The following ZNF530 variants were observed in gnomAD, a reference collection of about 807,000 sequenced individuals.
ZNF530 encodes the protein zinc finger protein 530.
In ZNF530, 5 loss-of-function variants were observed where a neutral mutation model predicts 2.8. The observed-to-expected ratio is 1.80, with a 90% CI of 0.94 to 3.78. The LOEUF (loss-of-function observed/expected upper bound fraction) is 3.78, where lower values mean the gene tolerates loss of function less well. Ranked by LOEUF, ZNF530 falls within the 30% of genes most tolerant of loss-of-function variation. The pLI, the probability that ZNF530 is intolerant of heterozygous loss-of-function variation, is 0.00. For missense variants in ZNF530, 619 were observed against 673.3 expected (o/e 0.92, Z 0.89); for synonymous variants, 229 against 235.0 (o/e 0.97, Z 0.23).
intron 2 of ZNF530, among the ~76,000 whole-genome samples, chr19:57,603,746 A>G (rs142286923): frequency 1.1e-4 from 16 of 152,360 alleles, no homozygotes; most frequent in African/African-American, 3.8e-4. Flanking sequence ...CTGTGGCAGT[A>G]GGGACCATCA....
chr19:57,607,154 A>C lies in ZNF530; in HGVS notation c.1530A>C (p.Gly510=). Residue 510 remains glycine, a synonymous_variant, in exon 4 of 4, where the codon GGA becomes GGC. Coordinates refer to ENST00000597700, the MANE Select transcript of ZNF530 (RefSeq NM_001321981.2). ...TTCAGCATAGGAGAGTTCACACTGG[A>C]GAAAGGCCTTATGAGTGCAGAGAAT... ...ALLQHRRVHT[G]ERPYECRECG... The C allele has an allele frequency of 6.2e-7, 1 of 1,614,060 alleles. No homozygotes were observed.
chr19:57,607,373 T>C lies in ZNF530; in HGVS notation c.*48T>C. 1 of 1,526,738 alleles carries C rather than the reference T, an allele frequency of 6.5e-7. No individual in the cohort carries two copies. Among genetic ancestry groups the C allele is most frequent in the South Asian group, 1.3e-5 (1 of 78,790 alleles). 94.6% of individuals were successfully genotyped at this position (1,526,738 alleles called of 1,614,324 possible). ...TTTTTTTTTTTTTTTTGAGATGGAA[T>C]TTTGCTCGTCACCCAGGCTGGAGTG... On this transcript the variant is annotated 3_prime_UTR_variant, in exon 4 of 4. Transcript: ENST00000597700.
At position 57,600,033 on chromosome 19, in the gene ZNF530, C is replaced by G; in HGVS notation, c.-223C>G. 1.4e-6 allele frequency: 2 copies of G among 1,451,286 alleles called. No individual in the cohort carries two copies. Among genetic ancestry groups the G allele is most frequent in the Non-Finnish European group, 1.8e-6 (2 of 1,081,190 alleles). The allele number at this position is 1,451,286 out of a possible 1,614,324, so 89.9% of individuals were successfully genotyped here. On this transcript the variant is annotated 5_prime_UTR_variant, in exon 1 of 4. Transcript: ENST00000597700. Reference sequence around the variant, plus strand: ...ACAGCCGGGGCCTGACGGTCGCCGGCGGTGGTGACAGCTTTGCTCTTGTCT... The same window carrying G: ...ACAGCCGGGGCCTGACGGTCGCCGGGGGTGGTGACAGCTTTGCTCTTGTCT...
In ZNF530 at chr19:57,606,196, C is replaced by T; in HGVS notation, c.572C>T (p.Ser191Phe). 2 of 1,614,224 alleles carry T rather than the reference C, an allele frequency of 1.2e-6. No individual in the cohort carries two copies. Among genetic ancestry groups the T allele is most frequent in the Non-Finnish European group, 1.7e-6 (2 of 1,180,046 alleles). Reference sequence around the variant, plus strand: ...TCCAGGAAATCTTTTAGAGAGAAATCTGTATTCATTCAACACCAAAGAGCT... The same window carrying T: ...TCCAGGAAATCTTTTAGAGAGAAATTTGTATTCATTCAACACCAAAGAGCT... The part of the protein sequence containing the change: ...TESRKSFREK[S>F]VFIQHQRADS... Residue 191 changes from serine to phenylalanine, a missense_variant, in exon 4 of 4, where the codon TCT becomes TTT. By Grantham distance (155) the Ser-to-Phe change is radical. Transcript: ENST00000597700.
chr19:57,608,568 G>C lies in ZNF530; in HGVS notation c.*1243G>C, dbSNP rs1350069157. The C allele has an allele frequency of 6.6e-6, 1 of 152,134 alleles. No homozygotes were observed. Among genetic ancestry groups the C allele is most frequent in the South Asian group, 2.1e-4 (1 of 4,836 alleles). The allele number at this position is 152,134 out of a possible 1,614,324, so 9.4% of individuals were successfully genotyped here. On this transcript the variant is annotated 3_prime_UTR_variant, in exon 4 of 4. Transcript: ENST00000597700. ...CCATTGTTTCTGGAGACAACACAAA[G>C]TTTTTCTTGTTGAGTGAGGATATCA...
intron 3 of ZNF530, 25 bp from the exon 4 acceptor site, chr19:57,605,661 T>A: frequency 3.2e-6 from 5 of 1,564,972 alleles, no homozygotes; most frequent in Non-Finnish European, 4.3e-6. Flanking sequence ...AAATCTGTGT[T>A]TTCTCAGCAT....
intron 1 of ZNF530, among the ~76,000 whole-genome samples, chr19:57,600,369 G>T (rs1980172664): frequency 6.6e-6 from 1 of 152,230 alleles, no homozygotes. Context: ...CCGGCCTCAC[G>T]CGTGCAGGTA....
rs1980404291 is a variant in ZNF530 at position 57,604,510 on chromosome 19, ACCTT to A, written c.61+107_61+110del. The A allele has an allele frequency of 6.9e-6, 10 of 1,457,288 alleles. No homozygotes were observed. In the South Asian group the frequency reaches 1.4e-4, roughly 20 times the overall value. 90.3% of individuals were successfully genotyped at this position (1,457,288 alleles called of 1,614,324 possible). ...TTCAGTTAGACCCTGAGCTCTACAGACCTTCCCACTTTCTTGGCATATGTATTCT... is the reference window on the plus strand; with the variant it reads ...TTCAGTTAGACCCTGAGCTCTACAGACCCACTTTCTTGGCATATGTATTCT... On this transcript the variant is annotated intron_variant, in intron 3 of 3. Transcript: ENST00000597700.
chr19:57,600,544 A>G (rs1017738055), intron 1 of ZNF530, among the ~76,000 whole-genome samples, 184 bp from the exon 2 acceptor site: 4 of 152,226 alleles, frequency 2.6e-5, no homozygotes, highest in Non-Finnish European at 5.9e-5. Flanking sequence ...TGATGATAGC[A>G]GGCATGGAGG....
At position 57,609,903 on chromosome 19, in the gene ZNF530, C is replaced by G. The variant is rs1212633627; in HGVS notation, c.*2578C>G. Among the ~76,000 whole-genome samples the G allele has an allele frequency of 6.6e-6, 1 of 152,116 alleles. No homozygotes were observed. Among genetic ancestry groups the G allele is most frequent in the East Asian group, 1.9e-4 (1 of 5,196 alleles). On this transcript the variant is annotated 3_prime_UTR_variant, in exon 4 of 4. Transcript: ENST00000597700. The stretch of plus-strand genomic sequence containing the variant: ...TCCTCTTAACGCTGATGGAAATGGC[C>G]TTCATTGCTCACCTGTATTTCCTGC...
chr19:57,607,432 C>G lies in ZNF530; in HGVS notation c.*107C>G, dbSNP rs1018256853. 8.9e-7 allele frequency: 1 copy of G among 1,129,572 alleles called. No individual in the cohort carries two copies. The highest frequency in any genetic ancestry group is 2.7e-5 in the Admixed American group (1 of 36,708). 70.0% of individuals were successfully genotyped at this position (1,129,572 alleles called of 1,614,324 possible). A position where few individuals can be genotyped will look rare whatever the true frequency, so the allele number is the denominator to read the frequency against. ...CAATCTCAGCTCACTGCAACCTCCG[C>G]CTCCTGGGATCAAGTGATTCTCCTG... is the stretch of plus-strand genomic sequence containing the variant. On this transcript the variant is annotated 3_prime_UTR_variant, in exon 4 of 4. Transcript: ENST00000597700.
Position 57,607,500 on chromosome 19 carries a change from A to C in ZNF530, c.*175A>C. The C allele has an allele frequency of 1.6e-6, 1 of 634,612 alleles. No homozygotes were observed. The allele number at this position is 634,612 out of a possible 1,614,324, so 39.3% of individuals were successfully genotyped here. The stretch of plus-strand genomic sequence containing the variant: ...CCTGAGATTACAGGCACCCACCACC[A>C]TGCCCAGCTAATTTTTGTATTTTTA... On this transcript the variant is annotated 3_prime_UTR_variant, in exon 4 of 4. Transcript: ENST00000597700.
intron 2 of ZNF530, among the ~76,000 whole-genome samples, chr19:57,603,455 C>T (rs973479715): frequency 2.0e-5 from 3 of 152,158 alleles, no homozygotes; most frequent in Non-Finnish European, 4.4e-5. Flanking sequence ...GGCTCCTATG[C>T]CTAGGGAGTT....
downstream of ZNF530, among the ~76,000 whole-genome samples, chr19:57,610,960 T>C (rs1980854145): frequency 6.6e-6 from 1 of 152,208 alleles, no homozygotes; most frequent in South Asian, 2.1e-4. Flanking sequence ...GTATTATATG[T>C]CTTGACATCT....
intron 3 of ZNF530, chr19:57,604,740 A>T: frequency 5.1e-6 from 1 of 195,360 alleles, no homozygotes; most frequent in Non-Finnish European, 1.1e-5. Flanking sequence ...TAAAATCTCA[A>T]GCTGCCTGTT....
intron 2 of ZNF530, among the ~76,000 whole-genome samples, chr19:57,601,127 G>A (rs568214205): frequency 3.3e-5 from 5 of 152,292 alleles, no homozygotes; most frequent in East Asian, 3.9e-4. Flanking sequence ...TCTTTGTTCT[G>A]GAGATGATGG....
intron 2 of ZNF530, among the ~76,000 whole-genome samples, chr19:57,602,117 T>G (rs1306566733): frequency 6.6e-6 from 1 of 152,244 alleles, no homozygotes; most frequent in Non-Finnish European, 1.5e-5. Context: ...CTCACAGTTC[T>G]GCAGGCTAGG....
In ZNF530 at chr19:57,607,348, T is replaced by C. The variant is rs768577947; in HGVS notation, c.*23T>C. ...TGAATGTGGGAAATTATTTTGTCAC[T>C]TTTTTTTTTTTTTTTGAGATGGAAT... On this transcript the variant is annotated 3_prime_UTR_variant, in exon 4 of 4. Coordinates refer to ENST00000597700, the MANE Select transcript of ZNF530 (RefSeq NM_001321981.2). 1.6e-3 allele frequency: 72 copies of C among 45,630 alleles called. No homozygotes were observed. The highest frequency in any genetic ancestry group is 9.3e-3 in the Middle Eastern group (1 of 108). 2.8% of individuals were successfully genotyped at this position (45,630 alleles called of 1,614,324 possible).
At position 57,600,033 on chromosome 19, in the gene ZNF530, C is replaced by T; in HGVS notation, c.-223C>T. The T allele has an allele frequency of 6.9e-7, 1 of 1,451,284 alleles. No homozygotes were observed. 89.9% of individuals were successfully genotyped at this position (1,451,284 alleles called of 1,614,324 possible). Reference sequence around the variant, plus strand: ...ACAGCCGGGGCCTGACGGTCGCCGGCGGTGGTGACAGCTTTGCTCTTGTCT... The same window carrying T: ...ACAGCCGGGGCCTGACGGTCGCCGGTGGTGGTGACAGCTTTGCTCTTGTCT... On this transcript the variant is annotated 5_prime_UTR_variant, in exon 1 of 4. Coordinates refer to ENST00000597700, the MANE Select transcript of ZNF530 (RefSeq NM_001321981.2).
Sources: allele counts gnomAD v4.1 joint callset (sites outside exome capture counted in the v4.1 genomes callset), GRCh38; gene constraint gnomAD v4.1.1; transcripts MANE v1.5; gene names NCBI Gene and HGNC (gene_info 2026-07-23, HGNC 2026-07-21).